ZC3H7B: variants seen among roughly 807,000 people sequenced by gnomAD.
ZC3H7B encodes zinc finger CCCH-type containing 7B.
ZC3H7B carries 35 observed loss-of-function variants against 116.0 expected under a neutral mutation model. The observed-to-expected ratio is 0.30, with a 90% confidence interval of 0.23 to 0.40. The LOEUF is 0.40. ZC3H7B is among the 10% of genes least tolerant of loss of function. The pLI is 1.00. For synonymous variants in ZC3H7B, 502 were observed against 545.6 expected, an observed-to-expected ratio of 0.92 and a Z score of 1.11; for missense variants, 1,011 against 1,321.5, an observed-to-expected ratio of 0.77 and a Z score of 3.64.
chr22:41,347,582 C>G (rs371845454), intron 14 of ZC3H7B, among the ~76,000 whole-genome samples: 2 of 152,172 alleles, frequency 1.3e-5, no homozygotes, highest in Non-Finnish European at 2.9e-5. Flanking sequence ...CGTCTGTGTC[C>G]GTAGAGCAAG....
chr22:41,335,522 C>T (rs1224065372), intron 7 of ZC3H7B: 2 of 152,188 alleles, frequency 1.3e-5, no homozygotes, highest in Non-Finnish European at 2.9e-5. Context: ...CAGGATCTAG[C>T]AGGGAGAATC....
chr22:41,338,035 T>C lies in ZC3H7B; in HGVS notation c.583-278T>C, dbSNP rs1217120995. Among the ~76,000 whole-genome samples, 1 of 152,060 alleles carries C rather than the reference T, an allele frequency of 6.6e-6. No homozygotes were observed. Among genetic ancestry groups the C allele is most frequent in the Non-Finnish European group, 1.5e-5 (1 of 67,990 alleles). On this transcript the variant is annotated intron_variant, in intron 7 of 22. Transcript: ENST00000352645. This position sits in a 1 kb window ranked among gnomAD's most constrained non-coding sequence, Gnocchi z 4.5. ...GGCTCCTGCCACCATGCCCGACTAA[T>C]TTTTGTATTTTTAGTAGAGATGAGG...
chr22:41,328,071 G>T (rs2036339690), intron 5 of ZC3H7B, among the ~76,000 whole-genome samples: 1 of 152,168 alleles, frequency 6.6e-6, no homozygotes, highest in Admixed American at 6.5e-5. Context: ...AGGTTGCAGT[G>T]AGCTGTGATT....
At chr22:41,320,324 CTG>C (rs964896678) in intron 1 of ZC3H7B, among the ~76,000 whole-genome samples, 1 of 142,304 alleles carries the variant, frequency 7.0e-6, no homozygotes, top group African/African-American at 2.6e-5. Flanking sequence ...AGGGGAGACT[CTG>C]TATCCAAAAA....
intron 11 of ZC3H7B, among the ~76,000 whole-genome samples, chr22:41,341,953 T>G (rs2145931047): frequency 6.6e-6 from 1 of 151,644 alleles, no homozygotes; most frequent in Admixed American, 6.6e-5. Context: ...TCCCAGGTAC[T>G]CAGGAGGCTG....
chr22:41,317,772 A>C (rs2036202824), intron 1 of ZC3H7B, among the ~76,000 whole-genome samples: 2 of 152,306 alleles, frequency 1.3e-5, no homozygotes, highest in East Asian at 3.9e-4. Flanking sequence ...CAACAGAGCG[A>C]GACCCTATCT....
In ZC3H7B at chr22:41,338,229, A is replaced by C; in HGVS notation, c.583-84A>C. The C allele has an allele frequency of 2.1e-6, 3 of 1,445,772 alleles. No homozygotes were observed. In the Middle Eastern group the frequency reaches 5.2e-4, roughly 252 times the overall value. 89.6% of individuals were successfully genotyped at this position (1,445,772 alleles called of 1,614,324 possible). ...TGCTCCTCGGTGCTGGGTCAACAGCATAGTCACGTGGGGAGGGGCTGGTGC... is the reference window on the plus strand; with the variant it reads ...TGCTCCTCGGTGCTGGGTCAACAGCCTAGTCACGTGGGGAGGGGCTGGTGC... On this transcript the variant is annotated intron_variant, in intron 7 of 22. Transcript: ENST00000352645. The surrounding 1 kb of genome is among the most constrained non-coding windows in gnomAD (Gnocchi z 4.5).
chr22:41,317,028 A>G (rs1421814154), intron 1 of ZC3H7B, among the ~76,000 whole-genome samples: 1 of 152,044 alleles, frequency 6.6e-6, no homozygotes, highest in African/African-American at 2.4e-5. Flanking sequence ...TTGTATTCTT[A>G]GTAGAGACAG....
intron 1 of ZC3H7B, among the ~76,000 whole-genome samples, chr22:41,304,346 A>G (rs1370989601): frequency 6.7e-6 from 1 of 149,446 alleles, no homozygotes; most frequent in African/African-American, 2.5e-5. Context: ...GGCTCAACAT[A>G]TCTGAATTCA....
rs1014506986 is a variant in ZC3H7B, at chr22:41,355,795, A to G, written c.2207A>G (p.Lys736Arg). The change falls in exon 19 of 23, where the codon AAG becomes AGG. Residue 736 changes from lysine (K) to arginine (R), a missense_variant. Physicochemically the swap from Lys to Arg is conservative, Grantham distance 26. Transcript: ENST00000352645. ...CGGCGGGTCCTTCTGGTGATGTCCA[A>G]GGCCAAGAGGAAATGGGTGTCAGTG... is the stretch of plus-strand genomic sequence containing the variant. ...KERRVLLVMSKAKRKWVSVRP... is the reference protein window; with the variant it reads ...KERRVLLVMSRAKRKWVSVRP... 6.2e-7 allele frequency: 1 copy of G among 1,613,572 alleles called. No homozygotes were observed. Among genetic ancestry groups the G allele is most frequent in the Middle Eastern group, 1.6e-4 (1 of 6,062 alleles).
At chr22:41,347,460 C>CTGT (rs10652702) in intron 14 of ZC3H7B, among the ~76,000 whole-genome samples, 17,955 of 152,104 alleles carry the variant, frequency 0.12, 3,106 homozygotes, top group East Asian at 0.45. Flanking sequence ...CCCCACTGAG[C>CTGT]TGTTAATTCC....
intron 7 of ZC3H7B, chr22:41,334,846 G>T (rs1482577484): frequency 6.6e-6 from 1 of 152,280 alleles, no homozygotes; most frequent in Non-Finnish European, 1.5e-5. Flanking sequence ...AGTGGGGATG[G>T]ACCAGGCTGT....
Position 41,302,311 on chromosome 22 carries a change from C to T in ZC3H7B, c.-7+539C>T, listed in dbSNP as rs968102111. ...GGGCCGCCCGACGGGCCGCCCCTTT[C>T]GGCTGCGGCGGCCACGCGAGCCCGG... On this transcript the variant is annotated intron_variant, in intron 1 of 22. Coordinates refer to ENST00000352645, the MANE Select transcript of ZC3H7B (RefSeq NM_017590.6). The surrounding 1 kb of genome is among the most constrained non-coding windows in gnomAD (Gnocchi z 5.7). Among the ~76,000 whole-genome samples the T allele has an allele frequency of 6.6e-6, 1 of 151,620 alleles. No homozygotes were observed. Among genetic ancestry groups the T allele is most frequent in the Non-Finnish European group, 1.5e-5 (1 of 67,862 alleles).
chr22:41,325,057 G>A (rs1168838398), intron 2 of ZC3H7B, among the ~76,000 whole-genome samples: 1 of 152,186 alleles, frequency 6.6e-6, no homozygotes, highest in Non-Finnish European at 1.5e-5. Context: ...CCCAAGTGTG[G>A]CTCCTCCCTC....
At chr22:41,330,296 C>T (rs1024281109) in intron 6 of ZC3H7B, among the ~76,000 whole-genome samples, 193 bp downstream of exon 6, 2 of 152,220 alleles carry the variant, frequency 1.3e-5, no homozygotes, top group African/African-American at 4.8e-5. Flanking sequence ...GAGCAGCCAC[C>T]GCTTCTAGCT....
At chr22:41,321,296 A>G (rs1182053395) in intron 2 of ZC3H7B, among the ~76,000 whole-genome samples, 1 of 150,180 alleles carries the variant, frequency 6.7e-6, no homozygotes, top group Non-Finnish European at 1.5e-5. Flanking sequence ...GCTTACTGCA[A>G]CTTCTGCCTC....
Position 41,348,105 on chromosome 22 carries a change from C to T in ZC3H7B, c.1704C>T (p.Gly568=), listed in dbSNP as rs775839858. ...GTAAACCCCGGATCATCAGCAAAGGCACCAAGGACTCTCCGTCTGTCTGCT... is the reference window on the plus strand; with the variant it reads ...GTAAACCCCGGATCATCAGCAAAGGTACCAAGGACTCTCCGTCTGTCTGCT... ...FDSKPRIISK[G]TKDSPSVCSN... Residue 568 remains glycine (G), a synonymous_variant, in exon 15 of 23, where the codon GGC becomes GGT. Coordinates refer to ENST00000352645, the MANE Select transcript of ZC3H7B (RefSeq NM_017590.6). 3.8e-5 allele frequency: 62 copies of T among 1,613,924 alleles called. No individual in the cohort carries two copies. Among genetic ancestry groups the T allele is most frequent in the Non-Finnish European group, 4.8e-5 (57 of 1,179,982 alleles).
intron 1 of ZC3H7B, among the ~76,000 whole-genome samples, chr22:41,320,275 G>A (rs1310663499): frequency 2.0e-5 from 3 of 151,706 alleles, no homozygotes; most frequent in Non-Finnish European, 4.4e-5. Context: ...GGAGGTTGCA[G>A]TGAGCCGAGA....
intron 1 of ZC3H7B, among the ~76,000 whole-genome samples, chr22:41,305,500 ACT>A (rs757280514): frequency 8.6e-5 from 13 of 152,012 alleles, no homozygotes; most frequent in Non-Finnish European, 1.6e-4. Context: ...ACAGAGTGAA[ACT>A]CTGTCTCAAA....
Sources: gnomAD v4.1 joint callset for allele counts (sites outside exome capture counted in the v4.1 genomes callset) on GRCh38, gnomAD v4.1.1 for gene constraint, Gnocchi (gnomAD v3.1) non-coding constraint, MANE v1.5 for transcripts, NCBI Gene and HGNC (gene_info 2026-07-23, HGNC 2026-07-21) for gene names.